KANSL3: variants seen among roughly 807,000 people sequenced by gnomAD.
The protein encoded by KANSL3 is NSL complex protein NSL3.
Under a neutral mutation model 89.2 loss-of-function variants are expected in KANSL3, and 16 were observed. That is an observed-to-expected ratio of 0.18 (90% CI 0.12 to 0.27). The LOEUF is 0.27. Ranked by LOEUF, KANSL3 falls within the 10% of genes least tolerant of loss-of-function variation. The pLI is 1.00. For missense variants in KANSL3, 879 were observed against 1,110.6 expected (o/e 0.79, Z 2.96); for synonymous variants, 385 against 419.7 (o/e 0.92, Z 1.01).
At chr2:96,611,448 T>A (rs1030367468) in intron 9 of KANSL3, among the ~76,000 whole-genome samples, 3 of 152,184 alleles carry the variant, frequency 2.0e-5, no homozygotes, top group African/African-American at 7.2e-5. Flanking sequence ...CCTGCTCCAT[T>A]TTTCTCCACA....
intron 5 of KANSL3, among the ~76,000 whole-genome samples, chr2:96,616,543 C>T (rs991512009): frequency 4.6e-5 from 7 of 152,174 alleles, no homozygotes; most frequent in Non-Finnish European, 8.8e-5. Flanking sequence ...CATCCACCTG[C>T]GCTTTCACAT....
At chr2:96,635,579 A>G (rs2074117843) in intron 2 of KANSL3, among the ~76,000 whole-genome samples, 1 of 152,248 alleles carries the variant, frequency 6.6e-6, no homozygotes, top group Admixed American at 6.5e-5. Flanking sequence ...AGGCATCAAG[A>G]TTATGCTAAA....
the KANSL3 span, among the ~76,000 whole-genome samples, chr2:96,582,313 G>A: frequency 1.3e-5 from 2 of 152,088 alleles, no homozygotes; most frequent in East Asian, 1.9e-4. Flanking sequence ...CAGGAGAATC[G>A]CTTGAACCCA....
Position 96,604,319 on chromosome 2 carries a change from T to G in KANSL3, c.2080A>C (p.Thr694Pro). 2 of 1,613,406 alleles carry G rather than the reference T, an allele frequency of 1.2e-6. No homozygotes were observed. Among genetic ancestry groups the G allele is most frequent in the Non-Finnish European group, 1.7e-6 (2 of 1,179,852 alleles). Residue 694 changes from threonine to proline, a missense_variant, in exon 17 of 21, where the codon ACT (threonine) becomes CCT (proline). Coordinates refer to ENST00000431828, the MANE Select transcript of KANSL3 (RefSeq NM_001115016.3). The part of the protein sequence containing the change: ...SPVPSVVSSS[T>P]APSALHTLQS... ...AGTGTGTGCAAGGCACTGGGTGCAG[T>G]GCTGCTGGAGACCACTGAAGGGACT...
Position 96,612,806 on chromosome 2 carries a change from C to T in KANSL3, c.912+12G>A. Reference sequence around the variant, plus strand: ...CCTGCCAGGAAGGAGTTCCTCTTGCCCCCACACATACCTTGCCCAAGCAGG... The same window carrying T: ...CCTGCCAGGAAGGAGTTCCTCTTGCTCCCACACATACCTTGCCCAAGCAGG... On this transcript the variant is annotated intron_variant, in intron 7 of 20. Transcript: ENST00000431828. 6.5e-7 allele frequency: 1 copy of T among 1,541,178 alleles called. No individual in the cohort carries two copies. The highest frequency in any genetic ancestry group is 8.8e-7 in the Non-Finnish European group (1 of 1,136,128).
intron 2 of KANSL3, among the ~76,000 whole-genome samples, chr2:96,636,519 A>T (rs902859149): frequency 6.6e-6 from 1 of 152,218 alleles, no homozygotes; most frequent in Non-Finnish European, 1.5e-5. Flanking sequence ...CATTACTATA[A>T]AAAGGCTATT....
intron 16 of KANSL3, 108 bp downstream of exon 16, chr2:96,604,671 C>A: frequency 9.3e-7 from 1 of 1,076,292 alleles, no homozygotes; most frequent in Middle Eastern, 2.4e-4. Context: ...GTCACATTTC[C>A]AAAACTGACA....
intron 3 of KANSL3, among the ~76,000 whole-genome samples, chr2:96,630,656 TA>T (rs565235065): frequency 4.6e-5 from 7 of 152,350 alleles, no homozygotes; most frequent in Admixed American, 3.9e-4. Flanking sequence ...ACATATTAAA[TA>T]GCTGAATTGT....
chr2:96,605,362 C>T lies in KANSL3; in HGVS notation c.1891G>A (p.Ala631Thr). Residue 631 changes from alanine to threonine, a missense_variant, in exon 15 of 21, where the codon GCT (alanine) becomes ACT (threonine). Ala to Thr is a moderately conservative substitution (Grantham distance 58, BLOSUM62 0). Coordinates refer to ENST00000431828, the MANE Select transcript of KANSL3 (RefSeq NM_001115016.3). Reference sequence around the variant, plus strand: ...TGGGAAGGAGCACAAGGCCCTCCAGCTGTGTCCCCTTGGGAGATAAGGGAC... The same window carrying T: ...TGGGAAGGAGCACAAGGCCCTCCAGTTGTGTCCCCTTGGGAGATAAGGGAC... Reference protein sequence around the residue: ...KVSLISQGDTAGGPCAPSQGS... With the variant: ...KVSLISQGDTTGGPCAPSQGS... 6.2e-7 allele frequency: 1 copy of T among 1,613,674 alleles called. No individual in the cohort carries two copies. Among genetic ancestry groups the T allele is most frequent in the Non-Finnish European group, 8.5e-7 (1 of 1,179,810 alleles).
chr2:96,623,829 G>A (rs1285287418), intron 3 of KANSL3, among the ~76,000 whole-genome samples: 3 of 152,226 alleles, frequency 2.0e-5, no homozygotes, highest in South Asian at 4.1e-4. Flanking sequence ...GAGAGCAGTC[G>A]AAATCCGAGA....
At chr2:96,591,703 C>T (rs1036534069), downstream of KANSL3, among the ~76,000 whole-genome samples, 54 of 152,102 alleles carry the variant, frequency 3.6e-4, no homozygotes, top group African/African-American at 1.3e-3. Context: ...GAGAACCAAC[C>T]CACAAGTGAG....
chr2:96,601,926 A>T, intron 19 of KANSL3, 150 bp from the exon 20 acceptor site: 1 of 1,305,698 alleles, frequency 7.7e-7, no homozygotes. Flanking sequence ...GTCAATCTGA[A>T]AGGCAACAGG....
intron 3 of KANSL3, among the ~76,000 whole-genome samples, chr2:96,630,800 G>A (rs181664896): frequency 6.6e-6 from 1 of 152,292 alleles, no homozygotes; most frequent in Non-Finnish European, 1.5e-5. Flanking sequence ...AACAAAACTA[G>A]CCAGTATACT....
chr2:96,600,905 G>C (rs1328320837), intron 20 of KANSL3: 1 of 985,244 alleles, frequency 1.0e-6, no homozygotes, highest in Non-Finnish European at 1.2e-6. Context: ...ATTATACTTG[G>C]GGGCCGAGGC....
downstream of KANSL3, among the ~76,000 whole-genome samples, chr2:96,588,209 C>G (rs1184439874): frequency 6.6e-6 from 1 of 151,644 alleles, no homozygotes; most frequent in African/African-American, 2.4e-5. Context: ...GCATCATATT[C>G]AAACCTGAAA....
intron 3 of KANSL3, among the ~76,000 whole-genome samples, chr2:96,625,529 TATTTG>T (rs1335223396): frequency 2.0e-5 from 3 of 152,242 alleles, no homozygotes; most frequent in Non-Finnish European, 4.4e-5. Context: ...ATGCTTTCCC[TATTTG>T]TTTTTCTTAC....
chr2:96,587,307 A>G, the KANSL3 span, among the ~76,000 whole-genome samples: 1 of 152,242 alleles, frequency 6.6e-6, no homozygotes, highest in African/African-American at 2.4e-5. Flanking sequence ...CCTAGTGAAG[A>G]GTCAGGGCAT....
Position 96,602,104 on chromosome 2 carries a change from T to C in KANSL3, c.2482+12A>G. The C allele has an allele frequency of 1.3e-6, 2 of 1,558,770 alleles. No homozygotes were observed. The highest frequency in any genetic ancestry group is 1.7e-6 in the Non-Finnish European group (2 of 1,150,972). ...GATCTGGGAGTCCCCACAGTTCTCATGAGAGACTCACCTGATGCTTGGTTA... is the reference window on the plus strand; with the variant it reads ...GATCTGGGAGTCCCCACAGTTCTCACGAGAGACTCACCTGATGCTTGGTTA... On this transcript the variant is annotated intron_variant, in intron 19 of 20. Transcript: ENST00000431828.
intron 3 of KANSL3, 120 bp from the exon 4 acceptor site, chr2:96,619,882 G>T (rs2070927279): frequency 2.5e-6 from 2 of 785,978 alleles, no homozygotes; most frequent in Non-Finnish European, 4.1e-6. Flanking sequence ...GTAAAACGAA[G>T]TAGCTTAGTC....
Sources: gnomAD v4.1 joint callset for allele counts (sites outside exome capture counted in the v4.1 genomes callset) on GRCh38, gnomAD v4.1.1 for gene constraint, MANE v1.5 for transcripts, NCBI Gene and HGNC (gene_info 2026-07-23, HGNC 2026-07-21) for gene names.